Variants in TTLL8 observed in about 807,000 individuals in gnomAD.
The protein encoded by TTLL8 is protein monoglycylase TTLL8.
Under a neutral mutation model 77.8 loss-of-function variants are expected in TTLL8, and 65 were observed. That is an observed-to-expected ratio of 0.84 (90% CI 0.68 to 1.03). The LOEUF is 1.03. TTLL8 is among the 50% of genes least tolerant of loss of function. The pLI, the probability that TTLL8 is intolerant of heterozygous loss-of-function variation, is 0.00. For missense variants in TTLL8, 910 were observed against 1,004.5 expected (o/e 0.91, Z 1.27); for synonymous variants, 402 against 422.8 (o/e 0.95, Z 0.60).
intron 12 of TTLL8, chr22:50,030,200 T>A (rs2061276387): frequency 1.0e-6 from 1 of 985,214 alleles, no homozygotes; most frequent in Admixed American, 6.1e-5. Context: ...ACCATCCACC[T>A]GGCCGGCACT....
rs2061312309 is a variant in TTLL8, at chr22:50,033,346, T to TCGATGTA, written c.1132_1138dup (p.Glu380ValfsTer10). 1.5e-6 allele frequency: 2 copies of TCGATGTA among 1,365,244 alleles called. No homozygotes were observed. Among genetic ancestry groups the TCGATGTA allele is most frequent in the African/African-American group, 3.0e-5 (2 of 67,742 alleles). The allele number at this position is 1,365,244 out of a possible 1,614,324, so 84.6% of individuals were successfully genotyped here. ...GGTGTCACAGATGAGCAGCGGCGTCTCGATGTACTTCTGGACCACCCACTT... is the reference window on the plus strand; with the variant it reads ...GGTGTCACAGATGAGCAGCGGCGTCTCGATGTACGATGTACTTCTGGACCACCCACTT... On this transcript the variant is annotated frameshift_variant, in exon 10 of 14. Transcript: ENST00000266182. LOFTEE classifies it high-confidence loss of function.
intron 10 of TTLL8, chr22:50,032,994 C>T (rs776875785): frequency 1.5e-5 from 4 of 267,322 alleles, no homozygotes; most frequent in African/African-American, 2.3e-5. Context: ...GGGTGTAGGG[C>T]GCTGGCTTTG....
At position 50,034,531 on chromosome 22, in the gene TTLL8, A is replaced by G. The variant is rs1365856976; in HGVS notation, c.922-69T>C. On this transcript the variant is annotated intron_variant, in intron 8 of 13. Transcript: ENST00000266182. This position sits in a 1 kb window ranked among gnomAD's most constrained non-coding sequence, Gnocchi z 4.1. ...CTACAAAGCAAGATCCAGAAAGTGC[A>G]TGAGACTTGGAGGCCTGGGCCCCGC... is the stretch of plus-strand genomic sequence containing the variant. The G allele has an allele frequency of 1.5e-6, 2 of 1,310,474 alleles. No individual in the cohort carries two copies. The highest frequency in any genetic ancestry group is 1.0e-6 in the Non-Finnish European group (1 of 994,256). 81.2% of individuals were successfully genotyped at this position (1,310,474 alleles called of 1,614,324 possible). A position where few individuals can be genotyped will look rare whatever the true frequency, so the allele number is the denominator to read the frequency against.
intron 12 of TTLL8, among the ~76,000 whole-genome samples, chr22:50,019,114 G>T (rs1217026699): frequency 1.3e-5 from 2 of 152,168 alleles, no homozygotes; most frequent in Non-Finnish European, 1.5e-5. Context: ...TGCCAGGTGG[G>T]TATAAGTGTG....
chr22:50,036,086 A>T (rs558783071), intron 8 of TTLL8, among the ~76,000 whole-genome samples: 1 of 152,186 alleles, frequency 6.6e-6, no homozygotes, highest in Non-Finnish European at 1.5e-5. Flanking sequence ...GGGCCTCCAG[A>T]TGCTGACGGC....
intron 6 of TTLL8, 106 bp downstream of exon 8, chr22:50,045,149 C>T (rs769318262): frequency 1.1e-4 from 130 of 1,186,596 alleles, no homozygotes; most frequent in Non-Finnish European, 1.4e-4. Flanking sequence ...TATCCAGCCC[C>T]GGCTGCTGCA....
chr22:50,031,991 G>A (rs761872781), exon 11 of TTLL8: 17 of 1,366,540 alleles, frequency 1.2e-5, no homozygotes, highest in Middle Eastern at 4.2e-4. Context: ...CGGCCCTGGC[G>A]CTGCAGGTAC....
chr22:50,037,642 C>A (rs1029095842), intron 8 of TTLL8, among the ~76,000 whole-genome samples: 6 of 152,266 alleles, frequency 3.9e-5, no homozygotes, highest in East Asian at 3.9e-4. Flanking sequence ...AAAGACCAAC[C>A]TTTCCCTAAT....
rs776731288 is a variant in TTLL8 at position 50,050,103 on chromosome 22, C to G, written c.190+6G>C. 1 of 1,366,452 alleles carries G rather than the reference C, an allele frequency of 7.3e-7. No individual in the cohort carries two copies. The highest frequency in any genetic ancestry group is 1.1e-5 in the South Asian group (1 of 87,752). The allele number at this position is 1,366,452 out of a possible 1,614,324, so 84.6% of individuals were successfully genotyped here. A position where few individuals can be genotyped will look rare whatever the true frequency, so the allele number is the denominator to read the frequency against. Reference sequence around the variant, plus strand: ...TGAGCTGAGACGTGCGCCTCCGATACGCTACCATTGACCCGGGCGCCTTCA... The same window carrying G: ...TGAGCTGAGACGTGCGCCTCCGATAGGCTACCATTGACCCGGGCGCCTTCA... On this transcript the variant is annotated splice_donor_region_variant and intron_variant, in intron 2 of 13. Coordinates refer to ENST00000266182, the Ensembl canonical transcript of TTLL8.
intron 8 of TTLL8, among the ~76,000 whole-genome samples, chr22:50,040,525 G>A (rs2061364246): frequency 6.6e-6 from 1 of 152,244 alleles, no homozygotes; most frequent in South Asian, 2.1e-4. Flanking sequence ...GTTCTCCCGG[G>A]AAAGGTTAAT....
Position 50,041,347 on chromosome 22 carries a change from C to A in TTLL8, c.831-70G>T. The A allele has an allele frequency of 1.7e-6, 1 of 582,686 alleles. No homozygotes were observed. Among genetic ancestry groups the A allele is most frequent in the Non-Finnish European group, 3.0e-6 (1 of 330,330 alleles). The allele number at this position is 582,686 out of a possible 1,614,324, so 36.1% of individuals were successfully genotyped here. ...GACAGGCAACAGAGGGCCTGGGCAC[C>A]CCGACACCCATAAGGCACCCCAAGA... On this transcript the variant is annotated intron_variant, in intron 7 of 13. Coordinates refer to ENST00000266182, the Ensembl canonical transcript of TTLL8. The surrounding 1 kb of genome is among the most constrained non-coding windows in gnomAD (Gnocchi z 4.3).
At chr22:50,051,138 A>G (rs1207561029) in intron 1 of TTLL8, among the ~76,000 whole-genome samples, 1 of 152,238 alleles carries the variant, frequency 6.6e-6, no homozygotes, top group Non-Finnish European at 1.5e-5. Context: ...CTGGGATTAC[A>G]GGCGTGAGCC....
upstream of TTLL8, among the ~76,000 whole-genome samples, chr22:50,058,154 C>T (rs1248097688): frequency 6.6e-6 from 1 of 151,886 alleles, no homozygotes; most frequent in Admixed American, 6.6e-5. This position sits in a 1 kb window ranked among gnomAD's most constrained non-coding sequence, Gnocchi z 4.2. Flanking sequence ...TCGTGCTCAC[C>T]GGGGACCGGG....
intron 4 of TTLL8, among the ~76,000 whole-genome samples, 180 bp from the exon 7 acceptor site, chr22:50,046,150 C>T (rs1345321487): frequency 6.6e-5 from 10 of 152,324 alleles, no homozygotes; most frequent in Admixed American, 5.9e-4. Context: ...CAGAACACCC[C>T]CTCCAGCCGG....
chr22:50,031,722 GCT>G lies in TTLL8; in HGVS notation c.1669_1670del (p.Ser557LeufsTer2). 5 of 1,338,290 alleles carry G rather than the reference GCT, an allele frequency of 3.7e-6. No individual in the cohort carries two copies. The highest frequency in any genetic ancestry group is 5.0e-6 in the Non-Finnish European group (5 of 1,002,706). 82.9% of individuals were successfully genotyped at this position (1,338,290 alleles called of 1,614,324 possible). A position where few individuals can be genotyped will look rare whatever the true frequency, so the allele number is the denominator to read the frequency against. ...GGAGCTCGAAGTTGCCGATGTCACAGCTGCGGTCCACGGCCACCTTGATGGTG... is the reference window on the plus strand; with the variant it reads ...GGAGCTCGAAGTTGCCGATGTCACAGGCGGTCCACGGCCACCTTGATGGTG... On this transcript the variant is annotated frameshift_variant, in exon 11 of 14. Coordinates refer to ENST00000266182, the Ensembl canonical transcript of TTLL8. LOFTEE classifies it high-confidence loss of function.
At chr22:50,057,246 GGA>G, upstream of TTLL8, among the ~76,000 whole-genome samples, 1 of 147,152 alleles carries the variant, frequency 6.8e-6, no homozygotes, top group Non-Finnish European at 1.5e-5. Context: ...CTGGGTTGAG[GGA>G]TCAGTTCTAG....
rs1272507521 is a variant in TTLL8 at position 50,041,954 on chromosome 22, C to T, written c.644-147G>A. Reference sequence around the variant, plus strand: ...CCAACAAGTATCCCAGATCCCCAGACAGGCACCCCAATACCCAACCAAGCT... The same window carrying T: ...CCAACAAGTATCCCAGATCCCCAGATAGGCACCCCAATACCCAACCAAGCT... On this transcript the variant is annotated intron_variant, in intron 6 of 13. Coordinates refer to ENST00000266182, the Ensembl canonical transcript of TTLL8. This position sits in a 1 kb window ranked among gnomAD's most constrained non-coding sequence, Gnocchi z 4.3. 4 of 724,934 alleles carry T rather than the reference C, an allele frequency of 5.5e-6. No homozygotes were observed. Among genetic ancestry groups the T allele is most frequent in the South Asian group, 1.8e-5 (1 of 54,076 alleles). 44.9% of individuals were successfully genotyped at this position (724,934 alleles called of 1,614,324 possible).
At chr22:50,042,445 G>T (rs1274559161) in intron 6 of TTLL8, among the ~76,000 whole-genome samples, 1 of 151,914 alleles carries the variant, frequency 6.6e-6, no homozygotes, top group Non-Finnish European at 1.5e-5. Flanking sequence ...CGAACAGCTG[G>T]GATTACAGGT....
At chr22:50,021,463 CG>C (rs1891838109) in intron 12 of TTLL8, among the ~76,000 whole-genome samples, 1 of 107,236 alleles carries the variant, frequency 9.3e-6, no homozygotes, top group African/African-American at 3.7e-5. Context: ...CTCCATGTGA[CG>C]ACGTGCACTC....
Sources: allele counts gnomAD v4.1 joint callset (sites outside exome capture counted in the v4.1 genomes callset), GRCh38; gene constraint gnomAD v4.1.1; non-coding constraint Gnocchi (gnomAD v3.1); transcripts MANE v1.5; gene names NCBI Gene and HGNC (gene_info 2026-07-23, HGNC 2026-07-21).